Variants in FRMD4B observed in about 807,000 individuals in gnomAD.
FRMD4B encodes the protein FERM domain containing 4B, also known as FERM domain-containing protein 4B.
FRMD4B carries 74 observed loss-of-function variants against 141.5 expected under a neutral mutation model. That is an observed-to-expected ratio of 0.52 (90% confidence interval 0.43 to 0.63). The LOEUF (loss-of-function observed/expected upper bound fraction) is 0.63. Among genes scored for constraint, FRMD4B ranks in the 30% least tolerant of loss-of-function variants. The probability of loss-of-function intolerance (pLI) is 0.00; values close to 1 mark genes in which losing one functional copy is unlikely to be tolerated. For synonymous variants in FRMD4B, 506 were observed against 467.9 expected (o/e 1.08, Z -1.05); for missense variants, 1,366 against 1,253.4 (o/e 1.09, Z -1.36).
intron 1 of FRMD4B, among the ~76,000 whole-genome samples, chr3:69,519,352 TA>T (rs1700816446): frequency 1.3e-5 from 2 of 152,118 alleles, no homozygotes. Context: ...GAGTCTGGTA[TA>T]TCTAAGGATC....
chr3:69,511,104 T>C (rs148615604), intron 1 of FRMD4B, among the ~76,000 whole-genome samples: 2 of 152,338 alleles, frequency 1.3e-5, no homozygotes, highest in East Asian at 3.9e-4. Flanking sequence ...AGATTAGATA[T>C]GTCGCCCTGA....
At chr3:69,432,530 G>A (rs1705197686) in intron 2 of FRMD4B, 1 of 152,096 alleles carries the variant, frequency 6.6e-6, no homozygotes, top group African/African-American at 2.4e-5. Context: ...TCCAAGCCCC[G>A]CTTGACAAGT....
chr3:69,234,779 G>C (rs2093333514), intron 7 of FRMD4B, among the ~76,000 whole-genome samples: 1 of 152,180 alleles, frequency 6.6e-6, no homozygotes, highest in South Asian at 2.1e-4. Context: ...GGATCAGAAA[G>C]GCTGAGGGTG....
intron 2 of FRMD4B, among the ~76,000 whole-genome samples, chr3:69,425,481 C>A (rs1705061276): frequency 6.6e-6 from 1 of 152,192 alleles, no homozygotes; most frequent in Admixed American, 6.5e-5. Context: ...TTCCAATGCA[C>A]AACTGAGAAA....
chr3:69,328,583 ACAGGTCAT>A (rs1437149723), intron 1 of FRMD4B, among the ~76,000 whole-genome samples: 1 of 152,232 alleles, frequency 6.6e-6, no homozygotes, highest in Non-Finnish European at 1.5e-5. Flanking sequence ...ATCACAAGAT[ACAGGTCAT>A]AAAGACTCAG....
intron 1 of FRMD4B, among the ~76,000 whole-genome samples, chr3:69,348,516 G>A (rs963853121): frequency 2.6e-5 from 4 of 152,114 alleles, no homozygotes; most frequent in Non-Finnish European, 4.4e-5. Context: ...CCAAAGGCTG[G>A]CAGAGACACA....
At chr3:69,214,135 G>A (rs2093115587) in intron 11 of FRMD4B, among the ~76,000 whole-genome samples, 1 of 152,174 alleles carries the variant, frequency 6.6e-6, no homozygotes, top group African/African-American at 2.4e-5. Flanking sequence ...ATGGGGAAAA[G>A]AGGGGGTTTT....
chr3:69,404,432 T>A (rs979835783), intron 2 of FRMD4B, among the ~76,000 whole-genome samples: 2 of 152,338 alleles, frequency 1.3e-5, no homozygotes, highest in African/African-American at 4.8e-5. Context: ...GTTAGAAGCA[T>A]CAAATAATAA....
intron 1 of FRMD4B, among the ~76,000 whole-genome samples, chr3:69,442,908 A>G (rs1413536173): frequency 6.6e-6 from 1 of 152,216 alleles, no homozygotes; most frequent in Non-Finnish European, 1.5e-5. Flanking sequence ...TTATGATAGA[A>G]TAAGAAATCT....
At chr3:69,476,533 T>A (rs950280176) in intron 1 of FRMD4B, among the ~76,000 whole-genome samples, 1 of 152,188 alleles carries the variant, frequency 6.6e-6, no homozygotes, top group African/African-American at 2.4e-5. Flanking sequence ...GCATTATTTC[T>A]GAGGGCTCTG....
At chr3:69,437,901 T>A (rs1454157465) in intron 1 of FRMD4B, among the ~76,000 whole-genome samples, 16 of 133,700 alleles carry the variant, frequency 1.2e-4, no homozygotes, top group Non-Finnish European at 2.1e-4. Flanking sequence ...TAATATATAC[T>A]ATTATTGTAT....
At chr3:69,466,785 C>T (rs1334947035) in intron 1 of FRMD4B, among the ~76,000 whole-genome samples, 1 of 152,110 alleles carries the variant, frequency 6.6e-6, no homozygotes, top group African/African-American at 2.4e-5. Flanking sequence ...TAGCTTTGAC[C>T]TCCTAGGTTC....
intron 1 of FRMD4B, among the ~76,000 whole-genome samples, chr3:69,343,426 C>T (rs568722837): frequency 2.6e-5 from 4 of 152,234 alleles, no homozygotes; most frequent in South Asian, 4.1e-4. Context: ...CCTTTAACCA[C>T]GGACTCCTGA....
chr3:69,473,949 G>T (rs935164912), intron 1 of FRMD4B, among the ~76,000 whole-genome samples: 3 of 151,982 alleles, frequency 2.0e-5, no homozygotes, highest in African/African-American at 7.3e-5. Context: ...TCCCATCCCA[G>T]CCGTATCCCA....
At chr3:69,367,566 CAAAAAATATAT>C (rs1703704006) in intron 1 of FRMD4B, among the ~76,000 whole-genome samples, 2 of 145,600 alleles carry the variant, frequency 1.4e-5, no homozygotes, top group African/African-American at 2.6e-5. Context: ...TGTTTTTACC[CAAAAAATATAT>C]CATTGACAAT....
intron 1 of FRMD4B, among the ~76,000 whole-genome samples, chr3:69,370,782 T>C (rs149830654): frequency 6.6e-6 from 1 of 152,352 alleles, no homozygotes; most frequent in African/African-American, 2.4e-5. Flanking sequence ...CGGGTCCCCA[T>C]CGTCTCTCAG....
rs766380282 is a variant in FRMD4B, at chr3:69,181,260, C to T, written c.2490G>A (p.Glu830=). The change falls in exon 21 of 23, where the codon GAG becomes GAA. Residue 830 remains glutamate (E), a synonymous_variant. Transcript: ENST00000398540. ...SGGYVYENDT[E]GQYSVNPSYR... is the part of the protein sequence containing the mutation. ...AGGAAGGGTTGACACTATACTGTCC[C>T]TCGGTGTCATTCTCATAGACATAAC... is the stretch of plus-strand genomic sequence containing the variant. The T allele has an allele frequency of 1.9e-6, 3 of 1,613,264 alleles. No individual in the cohort carries two copies. Among genetic ancestry groups the T allele is most frequent in the East Asian group, 2.2e-5 (1 of 44,890 alleles).
At chr3:69,355,918 G>C (rs989342677) in intron 1 of FRMD4B, among the ~76,000 whole-genome samples, 12 of 152,174 alleles carry the variant, frequency 7.9e-5, no homozygotes, top group Admixed American at 7.2e-4. Flanking sequence ...CCAGCTACTC[G>C]GGAGGCTGAA....
At chr3:69,372,273 C>A (rs531879990) in intron 1 of FRMD4B, among the ~76,000 whole-genome samples, 1 of 152,336 alleles carries the variant, frequency 6.6e-6, no homozygotes, top group South Asian at 2.1e-4. Context: ...CTGAGCTCCA[C>A]AAGGGCAGGG....
Sources: allele counts gnomAD v4.1 joint callset (sites outside exome capture counted in the v4.1 genomes callset), GRCh38; gene constraint gnomAD v4.1.1; transcripts MANE v1.5; gene names NCBI Gene and HGNC (gene_info 2026-07-23, HGNC 2026-07-21).